Variants in ATP7B observed in about 807,000 individuals in gnomAD.
ATP7B encodes the protein copper-transporting ATPase 2.
A neutral mutation model predicts 118.9 loss-of-function variants in ATP7B; 113 were observed. That is an observed-to-expected ratio of 0.95 (90% CI 0.82 to 1.11). The LOEUF (loss-of-function observed/expected upper bound fraction) is 1.11. Among genes scored for constraint, ATP7B ranks in the 50% most tolerant of loss-of-function variants. The pLI, the probability that ATP7B is intolerant of heterozygous loss-of-function variation, is 0.00. For missense variants in ATP7B, 1,867 were observed against 1,871.4 expected, an observed-to-expected ratio of 1.00 and a Z score of 0.04; for synonymous variants, 777 against 727.4, an observed-to-expected ratio of 1.07 and a Z score of -1.10.
intron 5 of ATP7B, chr13:51,964,634 C>T: frequency 2.0e-6 from 1 of 488,620 alleles, no homozygotes; most frequent in Admixed American, 3.4e-5. Context: ...AAAATTAAAA[C>T]AATAATAATG....
rs1956819100 is a variant in ATP7B at position 51,933,838 on chromosome 13, T to C, written c.*918A>G. The C allele has an allele frequency of 6.6e-6, 1 of 151,962 alleles. No individual in the cohort carries two copies. The highest frequency in any genetic ancestry group is 1.5e-5 in the Non-Finnish European group (1 of 68,052). The allele number at this position is 151,962 out of a possible 1,614,324, so 9.4% of individuals were successfully genotyped here. A position where few individuals can be genotyped will look rare whatever the true frequency, so the allele number is the denominator to read the frequency against. On this transcript the variant is annotated 3_prime_UTR_variant, in exon 21 of 21. Coordinates refer to ENST00000242839, the MANE Select transcript of ATP7B (RefSeq NM_000053.4). Reference sequence around the variant, plus strand: ...ACATACGTTTCCCATGGGGCAAACGTTTCAAGCACCACAGGCTGGGCAGGG... The same window carrying C: ...ACATACGTTTCCCATGGGGCAAACGCTTCAAGCACCACAGGCTGGGCAGGG...
chr13:52,007,875 C>A (rs1368765538), intron 1 of ATP7B, among the ~76,000 whole-genome samples: 2 of 152,146 alleles, frequency 1.3e-5, no homozygotes, highest in Non-Finnish European at 2.9e-5. Flanking sequence ...GCTAAGAAAC[C>A]ACCACATGGA....
intron 9 of ATP7B, among the ~76,000 whole-genome samples, chr13:51,953,469 C>T (rs746037583): frequency 1.3e-5 from 2 of 152,166 alleles, no homozygotes; most frequent in African/African-American, 4.8e-5. Context: ...TTTAGTAATG[C>T]TAATCTCTGT....
At chr13:51,970,924 C>T (rs1219210224) in intron 2 of ATP7B, among the ~76,000 whole-genome samples, 175 bp from the exon 3 acceptor site, 1 of 151,746 alleles carries the variant, frequency 6.6e-6, no homozygotes, top group African/African-American at 2.4e-5. Flanking sequence ...GACAGAGCTC[C>T]CTGCTGTTGT....
Position 51,970,576 on chromosome 13 carries a change from G to A in ATP7B, c.1459C>T (p.Pro487Ser), listed in dbSNP as rs1339278955. Reference sequence around the variant, plus strand: ...TTGATCTGTAAGAAGCACTTCTGCGGTGCCACTGCTCTGGTTGATTGTGGG... The same window carrying A: ...TTGATCTGTAAGAAGCACTTCTGCGATGCCACTGCTCTGGTTGATTGTGGG... ...KSPQSTRAVA[P>S]QKCFLQIKGM... The change falls in exon 3 of 21, where the codon CCG becomes TCG. Residue 487 changes from proline to serine, a missense_variant. Coordinates refer to ENST00000242839, the MANE Select transcript of ATP7B (RefSeq NM_000053.4). 1 of 1,614,018 alleles carries A rather than the reference G, an allele frequency of 6.2e-7. No homozygotes were observed. Among genetic ancestry groups the A allele is most frequent in the Admixed American group, 1.7e-5 (1 of 60,008 alleles).
chr13:51,993,562 C>A (rs1430569252), intron 1 of ATP7B, among the ~76,000 whole-genome samples: 1 of 151,612 alleles, frequency 6.6e-6, no homozygotes, highest in African/African-American at 2.4e-5. Flanking sequence ...GACCATGTCC[C>A]AAAATAAAAA....
chr13:52,011,205 G>A (rs1283962091), intron 1 of ATP7B, 82 bp downstream of exon 1: 1 of 1,606,774 alleles, frequency 6.2e-7, no homozygotes, highest in East Asian at 2.2e-5. Context: ...CCCCCTGGGG[G>A]CGAGTAAGCG....
At chr13:51,964,108 A>AACACAC (rs17334263) in intron 5 of ATP7B, among the ~76,000 whole-genome samples, 388 of 145,734 alleles carry the variant, frequency 2.7e-3, no homozygotes, top group South Asian at 9.0e-3. Context: ...TCTCTCTTTA[A>AACACAC]ACACACACAC....
chr13:52,011,883 C>T, upstream of ATP7B: 1 of 270,676 alleles, frequency 3.7e-6, no homozygotes, highest in Non-Finnish European at 7.2e-6. Flanking sequence ...CCAGGGCTCA[C>T]CCACCGCCTG....
chr13:51,968,655 C>A, intron 3 of ATP7B, 48 bp from the exon 4 acceptor site: 1 of 1,603,342 alleles, frequency 6.2e-7, no homozygotes, highest in East Asian at 2.2e-5. Context: ...GGCAGGGCCT[C>A]TAGGTTGACA....
At chr13:51,976,106 G>C (rs1402822269) in intron 1 of ATP7B, among the ~76,000 whole-genome samples, 1 of 152,194 alleles carries the variant, frequency 6.6e-6, no homozygotes, top group Non-Finnish European at 1.5e-5. Flanking sequence ...TCCTTTCACA[G>C]GCTCCCAGCC....
In ATP7B at chr13:51,970,511, C is replaced by A. The variant is rs769128344; in HGVS notation, c.1524G>T (p.Arg508Ser). 6.2e-7 allele frequency: 1 copy of A among 1,614,170 alleles called. No individual in the cohort carries two copies. Residue 508 changes from arginine to serine, a missense_variant, in exon 3 of 21, where the codon AGG becomes AGT. Transcript: ENST00000242839. Reference sequence around the variant, plus strand: ...TCTTACCAGCTTCTTTCTGCAGATTCCTTTCTATGTTAGACACACAGGATG... The same window carrying A: ...TCTTACCAGCTTCTTTCTGCAGATTACTTTCTATGTTAGACACACAGGATG... ...TCASCVSNIE[R>S]NLQKEAGVLS...
intron 1 of ATP7B, among the ~76,000 whole-genome samples, chr13:51,976,155 C>T (rs990512118): frequency 2.9e-4 from 44 of 152,220 alleles, no homozygotes; most frequent in African/African-American, 9.9e-4. Flanking sequence ...TACACCAGAA[C>T]TTCCATGTGC....
At chr13:51,960,836 A>C (rs1352663130) in intron 6 of ATP7B, among the ~76,000 whole-genome samples, 8 of 152,134 alleles carry the variant, frequency 5.3e-5, no homozygotes, top group Admixed American at 5.2e-4. Context: ...CATAGTTTGG[A>C]ATCGGGGGTC....
In ATP7B at chr13:51,937,537, C is replaced by T. The variant is rs755202606; in HGVS notation, c.3842G>A (p.Gly1281Asp). ...ATCCGTGCCGGTGCCAATGGCCACA[C>T]CCATGTCTGCCTGGGCCAAGGCCGG... Reference protein sequence around the residue: ...DSPALAQADMGVAIGTGTDVA... With the variant: ...DSPALAQADMDVAIGTGTDVA... The change falls in exon 18 of 21, where the codon GGT becomes GAT. Residue 1281 changes from glycine (G) to aspartate (D), a missense_variant. By Grantham distance (94) the Gly-to-Asp change is moderately conservative. Transcript: ENST00000242839. 7.4e-6 allele frequency: 12 copies of T among 1,614,132 alleles called. No homozygotes were observed. The highest frequency in any genetic ancestry group is 1.3e-5 in the African/African-American group (1 of 74,948).
chr13:51,952,616 T>C (rs138024402), intron 9 of ATP7B, among the ~76,000 whole-genome samples: 3 of 152,348 alleles, frequency 2.0e-5, no homozygotes, highest in East Asian at 3.9e-4. Context: ...AAATTGAACA[T>C]ACATGCCCAC....
chr13:52,008,159 G>C (rs931664700), intron 1 of ATP7B, among the ~76,000 whole-genome samples: 2 of 152,046 alleles, frequency 1.3e-5, no homozygotes, highest in Non-Finnish European at 2.9e-5. Context: ...GACCAACATG[G>C]TGAAACCCCG....
chr13:51,963,137 T>G (rs1286255974), intron 5 of ATP7B, among the ~76,000 whole-genome samples: 1 of 151,778 alleles, frequency 6.6e-6, no homozygotes, highest in Non-Finnish European at 1.5e-5. Context: ...GACTAAGTTG[T>G]GTTCAAAAGC....
intron 4 of ATP7B, among the ~76,000 whole-genome samples, chr13:51,967,767 T>C (rs1206463292): frequency 6.6e-6 from 1 of 152,244 alleles, no homozygotes; most frequent in Admixed American, 6.5e-5. Context: ...TGAGTTCTTC[T>C]AAGTCTCCCT....
Sources: gnomAD v4.1 joint callset for allele counts (sites outside exome capture counted in the v4.1 genomes callset) on GRCh38, gnomAD v4.1.1 for gene constraint, MANE v1.5 for transcripts, NCBI Gene and HGNC (gene_info 2026-07-23, HGNC 2026-07-21) for gene names.